The following UBE3D variants were observed in gnomAD, a reference collection of about 807,000 sequenced individuals.
UBE3D encodes ubiquitin protein ligase E3D.
Under a neutral mutation model 49.6 loss-of-function variants are expected in UBE3D, and 48 were observed. The observed-to-expected ratio is 0.97, with a 90% CI of 0.77 to 1.23. The LOEUF (loss-of-function observed/expected upper bound fraction) is 1.23, where lower values mean the gene tolerates loss of function less well. Ranked by LOEUF, UBE3D falls within the 50% of genes most tolerant of loss-of-function variation. The pLI is 0.00. For synonymous variants in UBE3D, 189 were observed against 174.2 expected (o/e 1.08, Z -0.67); for missense variants, 452 against 468.4 (o/e 0.96, Z 0.32).
intron 9 of UBE3D, among the ~76,000 whole-genome samples, chr6:82,932,379 C>T (rs73749466): frequency 0.036 from 5,404 of 152,148 alleles, 155 homozygotes; most frequent in East Asian, 0.11. Context: ...AATGGTGTAT[C>T]TTTAAATGGT....
intron 8 of UBE3D, among the ~76,000 whole-genome samples, chr6:82,974,716 G>A (rs1306065681): frequency 4.0e-5 from 6 of 151,286 alleles, no homozygotes; most frequent in East Asian, 1.9e-4. Context: ...TAGAAACGTT[G>A]TAAAGTAATT....
intron 3 of UBE3D, among the ~76,000 whole-genome samples, chr6:83,053,597 A>G (rs114240285): frequency 3.5e-4 from 53 of 152,300 alleles, no homozygotes; most frequent in African/African-American, 1.3e-3. Context: ...ACCAACAAAG[A>G]GTCCTTCCCA....
At chr6:83,058,748 G>A (rs1386197442) in intron 1 of UBE3D, among the ~76,000 whole-genome samples, 1 of 152,216 alleles carries the variant, frequency 6.6e-6, no homozygotes, top group Admixed American at 6.5e-5. Flanking sequence ...TAGACCATGT[G>A]CTCAGGTGTG....
intron 9 of UBE3D, among the ~76,000 whole-genome samples, chr6:82,945,428 C>A (rs1413964687): frequency 6.6e-6 from 1 of 152,112 alleles, no homozygotes; most frequent in African/African-American, 2.4e-5. Context: ...CTATGAGTCT[C>A]CAAGAATAAC....
chr6:82,886,025 CTGCTT>C, the UBE3D span, among the ~76,000 whole-genome samples: 1 of 152,200 alleles, frequency 6.6e-6, no homozygotes, highest in Non-Finnish European at 1.5e-5. Flanking sequence ...TCATCACTCA[CTGCTT>C]TGCCAGTTTC....
intron 5 of UBE3D, among the ~76,000 whole-genome samples, chr6:83,029,177 GT>G (rs1199354589): frequency 2.0e-5 from 3 of 152,020 alleles, no homozygotes; most frequent in African/African-American, 7.2e-5. Flanking sequence ...TTTTCAGCCA[GT>G]TTTTTGTATA....
intron 9 of UBE3D, among the ~76,000 whole-genome samples, chr6:82,907,777 T>C (rs903639987): frequency 9.2e-5 from 14 of 152,202 alleles, no homozygotes; most frequent in Admixed American, 9.2e-4. Context: ...CAAAAGTGTT[T>C]AGCAGTTTAT....
rs1378338230 is a variant in UBE3D, at chr6:83,017,255, CAGA to C, written c.1010+1715_1010+1717del. 5.9e-5 allele frequency: 9 copies of C among 152,124 alleles called. No homozygotes were observed. The East Asian group carries it at 1.5e-3, about 26-fold the overall frequency. The allele number at this position is 152,124 out of a possible 1,614,324, so 9.4% of individuals were successfully genotyped here. ...CATAATGTGAAAACTAGTATCAAAA[CAGA>C]AGAAAATTACTTACATAATCATAAT... On this transcript the variant is annotated intron_variant, in intron 8 of 9. Transcript: ENST00000369747.
chr6:82,973,410 A>T (rs1255846277), intron 8 of UBE3D, among the ~76,000 whole-genome samples: 1 of 152,204 alleles, frequency 6.6e-6, no homozygotes, highest in Admixed American at 6.5e-5. Context: ...ACTAAAAGGC[A>T]TCTCCTCCCC....
At chr6:83,025,901 A>AAAAAG (rs1562200292) in intron 5 of UBE3D, among the ~76,000 whole-genome samples, 1 of 150,982 alleles carries the variant, frequency 6.6e-6, no homozygotes, top group African/African-American at 2.4e-5. Flanking sequence ...AAAAAAAAAA[A>AAAAAG]AAAAGAAAAA....
chr6:82,895,836 A>G (rs1771276640), intron 9 of UBE3D, among the ~76,000 whole-genome samples: 1 of 152,254 alleles, frequency 6.6e-6, no homozygotes, highest in Admixed American at 6.5e-5. Context: ...ACAGAGGCTT[A>G]GAGACTTCCA....
intron 8 of UBE3D, among the ~76,000 whole-genome samples, chr6:82,959,500 C>T (rs1282355358): frequency 6.6e-6 from 1 of 151,788 alleles, no homozygotes; most frequent in Non-Finnish European, 1.5e-5. Context: ...CCAAGCTCTT[C>T]CTTGCAGAAG....
rs369725029 is a variant in UBE3D at position 83,027,556 on chromosome 6, C to T, written c.668-3518G>A. ...CCTTAATTCTTGAAGGAAATTTTCA[C>T]TTGAGATTAAGTCCTAGGATCAACA... On this transcript the variant is annotated intron_variant, in intron 5 of 9. Transcript: ENST00000369747. Among the ~76,000 whole-genome samples the T allele has an allele frequency of 6.7e-5, 10 of 149,828 alleles. No homozygotes were observed. In the East Asian group the frequency reaches 8.1e-4, roughly 12 times the overall value.
rs180787930 is a variant in UBE3D at position 83,054,261 on chromosome 6, C to T, written c.275-23G>A. ...GTTCTAAAGGAAGTCAATGAAATAG[C>T]TAATCTTAGAGATTGAAACAAATAT... On this transcript the variant is annotated intron_variant, in intron 2 of 9. Transcript: ENST00000369747. 1,299 of 1,568,736 alleles carry T rather than the reference C, an allele frequency of 8.3e-4. 3 individuals carry two copies. Among genetic ancestry groups the T allele is most frequent in the Non-Finnish European group, 9.4e-4 (1,073 of 1,139,032 alleles).
intron 7 of UBE3D, among the ~76,000 whole-genome samples, chr6:83,020,017 G>A (rs1391910543): frequency 6.6e-6 from 1 of 152,182 alleles, no homozygotes; most frequent in Non-Finnish European, 1.5e-5. Flanking sequence ...AGCTGGGAAT[G>A]GGTGCATCAA....
chr6:82,925,709 G>C (rs1773698454), intron 9 of UBE3D, among the ~76,000 whole-genome samples: 1 of 152,072 alleles, frequency 6.6e-6, no homozygotes, highest in African/African-American at 2.4e-5. Flanking sequence ...TCCTGCTTCT[G>C]CTCAAACTAG....
chr6:83,028,736 T>G (rs1297929743), intron 5 of UBE3D, among the ~76,000 whole-genome samples: 1 of 152,220 alleles, frequency 6.6e-6, no homozygotes, highest in Non-Finnish European at 1.5e-5. Context: ...TAGTTTCCAG[T>G]TACCATCTGG....
At chr6:83,028,135 T>C (rs890004081) in intron 5 of UBE3D, among the ~76,000 whole-genome samples, 2 of 152,334 alleles carry the variant, frequency 1.3e-5, no homozygotes, top group East Asian at 1.9e-4. Context: ...CTTACTGTTA[T>C]AGTTTCCTTT....
At chr6:82,939,062 TA>T (rs879881468) in intron 9 of UBE3D, among the ~76,000 whole-genome samples, 731 of 140,418 alleles carry the variant, frequency 5.2e-3, no homozygotes, top group Middle Eastern at 0.014. Flanking sequence ...CCCTGTCTAT[TA>T]AAAAAAAAAA....
Sources: gnomAD v4.1 joint callset for allele counts (sites outside exome capture counted in the v4.1 genomes callset) on GRCh38, gnomAD v4.1.1 for gene constraint, MANE v1.5 for transcripts, NCBI Gene and HGNC (gene_info 2026-07-23, HGNC 2026-07-21) for gene names.